PLAC1: variants seen among roughly 807,000 people sequenced by gnomAD.
PLAC1 encodes placenta-specific protein 1.
For synonymous variants in PLAC1, 68 were observed against 62.1 expected, an observed-to-expected ratio of 1.09 and a Z score of -0.44; for missense variants, 136 against 163.2, an observed-to-expected ratio of 0.83 and a Z score of 0.91.
chrX:134,647,428 G>A (rs1423317604), intron 1 of PLAC1, among the ~76,000 whole-genome samples: 1 of 108,965 alleles, frequency 9.2e-6, no homozygotes, highest in Middle Eastern at 4.3e-3. Context: ...GTGTGTGTGT[G>A]TGTGTGTGTG....
At chrX:134,666,494 AC>A in intron 2 of PLAC1, among the ~76,000 whole-genome samples, 1 of 111,762 alleles carries the variant, frequency 8.9e-6, no homozygotes, top group East Asian at 2.8e-4. Flanking sequence ...TATAGCTTAA[AC>A]CGAGAGTGGG....
intron 1 of PLAC1, among the ~76,000 whole-genome samples, chrX:134,621,133 AT>A (rs1476742623): frequency 9.0e-6 from 1 of 110,794 alleles, no homozygotes; most frequent in Non-Finnish European, 1.9e-5. Context: ...AGATGAAGAA[AT>A]TTTTACTTGC....
intron 1 of PLAC1, among the ~76,000 whole-genome samples, chrX:134,628,417 T>A (rs892841324): frequency 6.2e-5 from 7 of 112,258 alleles, no homozygotes; most frequent in African/African-American, 2.3e-4. Flanking sequence ...TTATATGACA[T>A]CCCTTCTATG....
intron 2 of PLAC1, among the ~76,000 whole-genome samples, chrX:134,694,950 T>C (rs1478657171): frequency 8.9e-6 from 1 of 112,342 alleles, no homozygotes; most frequent in Non-Finnish European, 1.9e-5. Context: ...TATACATACA[T>C]CCTAAGGATG....
chrX:134,578,189 G>A (rs934727249), intron 2 of PLAC1, among the ~76,000 whole-genome samples: 4 of 111,014 alleles, frequency 3.6e-5, no homozygotes, highest in African/African-American at 9.8e-5. Context: ...CCAGGTGGGC[G>A]GATCACAAGG....
chrX:134,612,837 G>A (rs1047596634), intron 1 of PLAC1, among the ~76,000 whole-genome samples: 2 of 111,329 alleles, frequency 1.8e-5, no homozygotes, highest in Admixed American at 9.6e-5. Context: ...GCTGAATCCA[G>A]CCTCTAAGAG....
chrX:134,753,897 G>C (rs2078750483), intron 1 of PLAC1, among the ~76,000 whole-genome samples: 1 of 111,452 alleles, frequency 9.0e-6, no homozygotes, highest in African/African-American at 3.3e-5. Context: ...CCATTCTCCA[G>C]AGTAGTGTGC....
At chrX:134,614,903 G>A (rs751267357) in intron 1 of PLAC1, among the ~76,000 whole-genome samples, 3 of 110,397 alleles carry the variant, frequency 2.7e-5, no homozygotes, top group Admixed American at 9.7e-5. Flanking sequence ...CTCCTGCCTC[G>A]GCCTCCCAAA....
At chrX:134,687,681 G>A (rs1156899145) in intron 2 of PLAC1, among the ~76,000 whole-genome samples, 1 of 106,087 alleles carries the variant, frequency 9.4e-6, no homozygotes, top group Non-Finnish European at 1.9e-5. Context: ...AGGTTGATGT[G>A]GTGGAAAGAG....
At chrX:134,717,877 T>C (rs1362505158) in intron 2 of PLAC1, among the ~76,000 whole-genome samples, 1 of 111,829 alleles carries the variant, frequency 8.9e-6, no homozygotes, top group Non-Finnish European at 1.9e-5. Flanking sequence ...ATTTCAAACA[T>C]GTGAGATTTG....
chrX:134,565,870 T>G lies in PLAC1; in HGVS notation c.*174A>C. 2.5e-6 allele frequency: 1 copy of G among 406,378 alleles called. No individual in the cohort carries two copies. Among genetic ancestry groups the G allele is most frequent in the Admixed American group, 4.5e-5 (1 of 22,219 alleles). 33.5% of individuals were successfully genotyped at this position (406,378 alleles called of 1,213,427 possible). A position where few individuals can be genotyped will look rare whatever the true frequency, so the allele number is the denominator to read the frequency against. On this transcript the variant is annotated 3_prime_UTR_variant, in exon 3 of 3. Coordinates refer to ENST00000359237, the MANE Select transcript of PLAC1 (RefSeq NM_021796.4). ...GCGATCAGAATTTTATTTTATTTTT[T>G]GTTTACACATGAATATAAAAATATA...
intron 1 of PLAC1, chrX:134,607,729 A>C (rs1418121921): frequency 5.4e-5 from 6 of 111,957 alleles, no homozygotes; most frequent in African/African-American, 2.0e-4. Context: ...AGTGAAAGCT[A>C]TTAGCCCTCC....
chrX:134,687,883 G>A (rs1247856133), intron 2 of PLAC1, among the ~76,000 whole-genome samples: 4 of 78,000 alleles, frequency 5.1e-5, no homozygotes, highest in Non-Finnish European at 6.8e-5. Flanking sequence ...CTAGCACAAC[G>A]TCTGACACAT....
At position 134,594,539 on chromosome X, in the gene PLAC1, T is replaced by C. The variant is rs183814329; in HGVS notation, c.-59+7512A>G. ...GCCTAGAGATCTCTGTTTGGGGAGT[T>C]TTTAAATTATGAATTTAATTTCCTT... On this transcript the variant is annotated intron_variant, in intron 2 of 2. Transcript: ENST00000359237. Among the ~76,000 whole-genome samples the C allele has an allele frequency of 4.5e-5, 5 of 111,769 alleles. No individual in the cohort carries two copies. In the East Asian group the frequency reaches 1.4e-3, roughly 31 times the overall value.
At chrX:134,720,090 T>C (rs2078653543) in intron 2 of PLAC1, among the ~76,000 whole-genome samples, 1 of 108,815 alleles carries the variant, frequency 9.2e-6, no homozygotes, top group African/African-American at 3.3e-5. Flanking sequence ...ACAACCTTAG[T>C]TAGAAAATCC....
chrX:134,735,612 G>C (rs1461808275), intron 1 of PLAC1, among the ~76,000 whole-genome samples: 3 of 109,948 alleles, frequency 2.7e-5, no homozygotes, highest in Non-Finnish European at 3.8e-5. Context: ...GCTGATATAG[G>C]TCATGGCTAG....
chrX:134,566,668 C>T lies in PLAC1; in HGVS notation c.15G>A (p.Lys5=). Residue 5 remains lysine (K), a synonymous_variant, in exon 3 of 3, where the codon AAG becomes AAA. Transcript: ENST00000359237. MKVF[K]FIGLMILLTS... ...TGAGGAGGATCATCAGTCCTATGAA[C>T]TTAAAAACTTTCATCCCTGCAGCCA... 3.4e-6 allele frequency: 4 copies of T among 1,188,713 alleles called. No homozygotes were observed. The highest frequency in any genetic ancestry group is 4.5e-6 in the Non-Finnish European group (4 of 880,232).
At chrX:134,658,299 A>T (rs2078402275) in intron 1 of PLAC1, 29 bp downstream of exon 1, 1 of 112,622 alleles carries the variant, frequency 8.9e-6, no homozygotes, top group African/African-American at 3.2e-5. Context: ...TCTCGAGAGA[A>T]TGTGGCAACA....
At position 134,566,230 on chromosome X, in the gene PLAC1, G is replaced by A; in HGVS notation, c.453C>T (p.Ser151=). 8.3e-7 allele frequency: 1 copy of A among 1,211,520 alleles called. No individual in the cohort carries two copies. Among genetic ancestry groups the A allele is most frequent in the Admixed American group, 2.2e-5 (1 of 46,033 alleles). The stretch of plus-strand genomic sequence containing the variant: ...TGGGCCTTTGACTGGACTGTGACAA[G>A]CTGAACACCTCGTAGCATTTCTCAT... The part of the protein sequence containing the change: ...QKDEKCYEVF[S]LSQSSQRPNC... The change falls in exon 3 of 3, where the codon AGC becomes AGT. Residue 151 remains serine (S), a synonymous_variant. Coordinates refer to ENST00000359237, the MANE Select transcript of PLAC1 (RefSeq NM_021796.4).
Sources: gnomAD v4.1 joint callset for allele counts (sites outside exome capture counted in the v4.1 genomes callset) on GRCh38, gnomAD v4.1.1 for gene constraint, MANE v1.5 for transcripts, NCBI Gene and HGNC (gene_info 2026-07-23, HGNC 2026-07-21) for gene names.